The following SPTA1 variants were observed in gnomAD, a reference collection of about 807,000 sequenced individuals.
SPTA1 encodes the protein spectrin alpha chain, erythrocytic 1.
A neutral mutation model predicts 324.7 loss-of-function variants in SPTA1; 177 were observed. The observed-to-expected ratio is 0.55, with a 90% CI of 0.48 to 0.62. The LOEUF is 0.62. Among genes scored for constraint, SPTA1 ranks in the 20% least tolerant of loss-of-function variants. The probability of loss-of-function intolerance (pLI) is 0.00; values close to 1 mark genes in which losing one functional copy is unlikely to be tolerated. For synonymous variants in SPTA1, 1,195 were observed against 1,041.3 expected (o/e 1.15, Z -2.84); for missense variants, 3,162 against 2,883.6 (o/e 1.10, Z -2.21).
intron 27 of SPTA1, 106 bp from the exon 28 acceptor site, chr1:158,645,700 T>C (rs1033214559): frequency 8.3e-7 from 1 of 1,206,128 alleles, no homozygotes; most frequent in Non-Finnish European, 1.2e-6. Flanking sequence ...CAGAATAACA[T>C]TTTTTATCTG....
intron 18 of SPTA1, among the ~76,000 whole-genome samples, chr1:158,658,540 G>C (rs865852297): frequency 2.6e-5 from 4 of 152,026 alleles, no homozygotes; most frequent in Admixed American, 6.6e-5. Context: ...CATGAGATAG[G>C]GTCCTCAGAA....
chr1:158,646,098 C>T lies in SPTA1; in HGVS notation c.3897-504G>A, dbSNP rs187475829. Among the ~76,000 whole-genome samples, 76 of 152,234 alleles carry T rather than the reference C, an allele frequency of 5.0e-4. 1 individual carries two copies. Among genetic ancestry groups the T allele is most frequent in the Middle Eastern group, 3.4e-3 (1 of 294 alleles). On this transcript the variant is annotated intron_variant, in intron 27 of 51. Coordinates refer to ENST00000643759, the MANE Select transcript of SPTA1 (RefSeq NM_003126.4). ...TACTTTTATTCTCAAGTGAATCTAG[C>T]ACATATTTTGGCCAACATACACATA...
chr1:158,666,022 C>A (rs1425807707), intron 16 of SPTA1, among the ~76,000 whole-genome samples: 2 of 152,092 alleles, frequency 1.3e-5, no homozygotes, highest in African/African-American at 4.8e-5. Context: ...ACACTGAGCA[C>A]CCAGCACCCC....
At position 158,686,675 on chromosome 1, in the gene SPTA1, C is replaced by A; in HGVS notation, c.-158G>T. ...AAAACCTCTTGCTTGGTCCTAGAAT[C>A]CCATCAGCCATACACAATCGACATT... On this transcript the variant is annotated 5_prime_UTR_variant, in exon 1 of 52. Coordinates refer to ENST00000643759, the MANE Select transcript of SPTA1 (RefSeq NM_003126.4). 3.2e-6 allele frequency: 2 copies of A among 634,916 alleles called. No individual in the cohort carries two copies. Among genetic ancestry groups the A allele is most frequent in the South Asian group, 3.6e-5 (2 of 55,138 alleles). 39.3% of individuals were successfully genotyped at this position (634,916 alleles called of 1,614,324 possible). A position where few individuals can be genotyped will look rare whatever the true frequency, so the allele number is the denominator to read the frequency against.
intron 15 of SPTA1, among the ~76,000 whole-genome samples, chr1:158,667,552 A>G (rs1229828626): frequency 1.3e-5 from 2 of 152,216 alleles, no homozygotes; most frequent in Non-Finnish European, 2.9e-5. Context: ...GTTCAAGGGA[A>G]AGAAAAACAA....
chr1:158,613,755 A>T lies in SPTA1; in HGVS notation c.6955T>A (p.Phe2319Ile), dbSNP rs765393558. 1.2e-6 allele frequency: 2 copies of T among 1,613,620 alleles called. No homozygotes were observed. The highest frequency in any genetic ancestry group is 1.7e-6 in the Non-Finnish European group (2 of 1,179,776). The change falls in exon 50 of 52, where the codon TTT becomes ATT. Residue 2319 changes from phenylalanine (F) to isoleucine (I), a missense_variant. By Grantham distance (21) the Phe-to-Ile change is conservative. Coordinates refer to ENST00000643759, the MANE Select transcript of SPTA1 (RefSeq NM_003126.4). ...MVEEDEHEPK[F>I]EKFLDAVDPG... ...TCCACAGCATCCAGGAACTTCTCAA[A>T]CTTGGGCTCATGTTCATCCTCCTCC... is the stretch of plus-strand genomic sequence containing the variant.
rs983440784 is a variant in SPTA1, at chr1:158,629,865, G to A, written c.5566-2142C>T. ...AGAAATTGTAAACAATAAACTATCT[G>A]AAAAAGAAATTAAGAAAATAATTCC... On this transcript the variant is annotated intron_variant, in intron 39 of 51. Coordinates refer to ENST00000643759, the MANE Select transcript of SPTA1 (RefSeq NM_003126.4). 2.6e-5 allele frequency among the ~76,000 whole-genome samples: 4 copies of A among 151,590 alleles called. No individual in the cohort carries two copies. The South Asian group carries it at 6.2e-4, about 24-fold the overall frequency.
rs1652926703 is a variant in SPTA1 at position 158,657,669 on chromosome 1, G to T, written c.2613C>A (p.Ala871=). ...TCTGGTTCAAACTCTTGACCCTAGAGGCCACATCTTCTGCAGCAAAGTGTC... is the reference window on the plus strand; with the variant it reads ...TCTGGTTCAAACTCTTGACCCTAGATGCCACATCTTCTGCAGCAAAGTGTC... ...EEGHFAAEDV[A]SRVKSLNQNM... is the part of the protein sequence containing the mutation. Residue 871 remains alanine (A), a synonymous_variant, in exon 19 of 52, where the codon GCC becomes GCA. Coordinates refer to ENST00000643759, the MANE Select transcript of SPTA1 (RefSeq NM_003126.4). The T allele has an allele frequency of 3.7e-6, 6 of 1,613,946 alleles. No individual in the cohort carries two copies. Among genetic ancestry groups the T allele is most frequent in the Non-Finnish European group, 5.1e-6 (6 of 1,180,002 alleles).
At position 158,640,012 on chromosome 1, in the gene SPTA1, C is replaced by T. The variant is rs765527553; in HGVS notation, c.4738-5G>A. 3 of 1,613,704 alleles carry T rather than the reference C, an allele frequency of 1.9e-6. No homozygotes were observed. The highest frequency in any genetic ancestry group is 1.1e-5 in the South Asian group (1 of 91,064). On this transcript the variant is annotated splice_polypyrimidine_tract_variant and splice_region_variant and intron_variant, in intron 33 of 51. Coordinates refer to ENST00000643759, the MANE Select transcript of SPTA1 (RefSeq NM_003126.4). ...CTTCAGCTGTTCCAGTTGCTCCTAACCCAAGGAGAGTGAGGAGTCATTACA... is the reference window on the plus strand; with the variant it reads ...CTTCAGCTGTTCCAGTTGCTCCTAATCCAAGGAGAGTGAGGAGTCATTACA...
Position 158,615,301 on chromosome 1 carries a change from T to C in SPTA1, c.6703A>G (p.Thr2235Ala). 1 of 1,614,026 alleles carries C rather than the reference T, an allele frequency of 6.2e-7. No homozygotes were observed. The highest frequency in any genetic ancestry group is 8.5e-7 in the Non-Finnish European group (1 of 1,180,006). The change falls in exon 48 of 52, where the codon ACC becomes GCC. Residue 2235 changes from threonine (T) to alanine (A), a missense_variant. Thr to Ala is a moderately conservative substitution (Grantham distance 58, BLOSUM62 0). Transcript: ENST00000643759. The stretch of plus-strand genomic sequence containing the variant: ...TCCCACTGCTGAGCCAATCCAATGG[T>C]GCTGTATTTGATATCAAGGATCAGA... ...DALILDIKYS[T>A]IGLAQQWDQL...
chr1:158,611,898 G>C (rs1272963346), intron 51 of SPTA1: 1 of 161,138 alleles, frequency 6.2e-6, no homozygotes, highest in Non-Finnish European at 1.4e-5. Flanking sequence ...GATCCCTAAA[G>C]ACTCCAATAA....
Position 158,638,745 on chromosome 1 carries a change from C to CAAAA in SPTA1, c.4981-508_4981-505dup, listed in dbSNP as rs34072412. On this transcript the variant is annotated intron_variant, in intron 35 of 51. Coordinates refer to ENST00000643759, the MANE Select transcript of SPTA1 (RefSeq NM_003126.4). ...GCAGGAGAATTGCTTGAGCTGGTAC[C>CAAAA]AAAAAAAAAAAAAAAAAAAAAGGAA... is the stretch of plus-strand genomic sequence containing the variant. Among the ~76,000 whole-genome samples the CAAAA allele has an allele frequency of 4.3e-3, 394 of 92,124 alleles. 4 individuals carry two copies. The highest frequency in any genetic ancestry group is 0.016 in the African/African-American group (379 of 23,580). 60.4% of individuals were successfully genotyped at this position (92,124 alleles called of 152,430 possible).
rs1651120121 is a variant in SPTA1, at chr1:158,636,840, T to C, written c.5190-79A>G. The C allele has an allele frequency of 1.9e-6, 3 of 1,605,496 alleles. No homozygotes were observed. The South Asian group carries it at 3.3e-5, about 18-fold the overall frequency. On this transcript the variant is annotated intron_variant, in intron 36 of 51. Transcript: ENST00000643759. ...CTACAGCAATAGCTTTCTATGACTA[T>C]GTGTGTGGCTGGTGGTGAGGGAGGT...
chr1:158,618,064 T>C lies in SPTA1; in HGVS notation c.6531-8A>G, dbSNP rs1649686047. The C allele has an allele frequency of 6.2e-7, 1 of 1,611,466 alleles. No individual in the cohort carries two copies. The highest frequency in any genetic ancestry group is 8.5e-7 in the Non-Finnish European group (1 of 1,177,638). On this transcript the variant is annotated splice_region_variant and splice_polypyrimidine_tract_variant and intron_variant, in intron 45 of 51. Transcript: ENST00000643759. ...CCATCCAGAAAGTAAGCCCTGGACA[T>C]GGAGGTCCGGAACAGGAATCACATG...
intron 51 of SPTA1, 182 bp downstream of exon 51, chr1:158,612,635 C>T (rs1649328787): frequency 1.7e-5 from 11 of 651,864 alleles, no homozygotes; most frequent in Non-Finnish European, 2.2e-5. Context: ...TACCACAGTA[C>T]GTTTTTGAGT....
In SPTA1 at chr1:158,643,366, A is replaced by G. The variant is rs761105413; in HGVS notation, c.4398T>C (p.Tyr1466=). The G allele has an allele frequency of 3.1e-6, 5 of 1,613,916 alleles. No individual in the cohort carries two copies. Among genetic ancestry groups the G allele is most frequent in the Non-Finnish European group, 4.2e-6 (5 of 1,179,912 alleles). Residue 1466 remains tyrosine, a synonymous_variant, in exon 31 of 52, where the codon TAT becomes TAC. Transcript: ENST00000643759. The part of the protein sequence containing the change: ...FAESLIADEH[Y]AKEEIATRLQ... ...GCCGCGTAGCAATCTCTTCTTTGGC[A>G]TAGTGTTCATCAGCAATGAGGCTCT...
intron 21 of SPTA1, 122 bp downstream of exon 21, chr1:158,654,489 T>A: frequency 7.3e-7 from 1 of 1,364,342 alleles, no homozygotes; most frequent in Non-Finnish European, 1.0e-6. Context: ...CAGTTATAGT[T>A]ATTCAAGAAA....
At chr1:158,640,123 A>T (rs1651433217) in intron 33 of SPTA1, 116 bp from the exon 34 acceptor site, 1 of 1,283,880 alleles carries the variant, frequency 7.8e-7, no homozygotes, top group African/African-American at 1.5e-5. Flanking sequence ...ATTTGCTGAT[A>T]CTTGAATATC....
At chr1:158,663,704 C>T (rs1308845035) in intron 16 of SPTA1, among the ~76,000 whole-genome samples, 73 of 152,042 alleles carry the variant, frequency 4.8e-4, no homozygotes, top group Non-Finnish European at 5.9e-5. Context: ...AAGAGTGGCA[C>T]ATAAGCAAGT....
Sources: gnomAD v4.1 joint callset for allele counts (sites outside exome capture counted in the v4.1 genomes callset) on GRCh38, gnomAD v4.1.1 for gene constraint, MANE v1.5 for transcripts, NCBI Gene and HGNC (gene_info 2026-07-23, HGNC 2026-07-21) for gene names.